The following ADAMTSL1 variants were observed in gnomAD, a reference collection of about 807,000 sequenced individuals.
The protein encoded by ADAMTSL1 is ADAMTS like 1.
A neutral mutation model predicts 201.8 loss-of-function variants in ADAMTSL1; 126 were observed. The ratio of observed to expected loss-of-function variants is 0.62; its 90% CI spans 0.54 to 0.72. The LOEUF is 0.72. ADAMTSL1 is among the 30% of genes least tolerant of loss of function. ADAMTSL1 has a pLI of 0.00. For synonymous variants in ADAMTSL1, 1,121 were observed against 903.4 expected (o/e 1.24, Z -4.32); for missense variants, 2,679 against 2,277.8 (o/e 1.18, Z -3.59).
intron 23 of ADAMTSL1, among the ~76,000 whole-genome samples, chr9:18,885,345 A>G (rs1325098010): frequency 6.6e-6 from 1 of 152,222 alleles, no homozygotes; most frequent in East Asian, 1.9e-4. Flanking sequence ...TACTGTTACA[A>G]TAGCAATTAA....
intron 5 of ADAMTSL1, among the ~76,000 whole-genome samples, chr9:18,633,049 CCAGTTTATGGAATGTGAGTCACTTCCCAG>C (rs1564104111): frequency 6.6e-6 from 1 of 152,132 alleles, no homozygotes; most frequent in Non-Finnish European, 1.5e-5. Flanking sequence ...TATTAATGTT[CCAGTTTATGGAATGTGAGTCACTTCCCAG>C]CAGAGCAAGA....
At chr9:17,918,115 T>C (rs923886651) in intron 1 of ADAMTSL1, among the ~76,000 whole-genome samples, 1 of 151,866 alleles carries the variant, frequency 6.6e-6, no homozygotes, top group African/African-American at 2.4e-5. Context: ...CAGCTTTTGG[T>C]TTAATGAATT....
At chr9:18,368,950 T>C (rs1836911523) in intron 2 of ADAMTSL1, among the ~76,000 whole-genome samples, 1 of 152,246 alleles carries the variant, frequency 6.6e-6, no homozygotes, top group Non-Finnish European at 1.5e-5. Context: ...CTTTATACTT[T>C]GCCTCCTGAT....
At chr9:18,193,459 C>A (rs1226481209) in intron 2 of ADAMTSL1, among the ~76,000 whole-genome samples, 3 of 152,038 alleles carry the variant, frequency 2.0e-5, no homozygotes, top group Admixed American at 1.3e-4. Context: ...AGCTCCTTTG[C>A]CTTGGAAGAA....
chr9:18,566,907 G>T (rs1422077776), intron 3 of ADAMTSL1, among the ~76,000 whole-genome samples: 1 of 152,168 alleles, frequency 6.6e-6, no homozygotes, highest in Non-Finnish European at 1.5e-5. Context: ...ATCAGATTCT[G>T]TGTTTTTTGT....
intron 2 of ADAMTSL1, among the ~76,000 whole-genome samples, chr9:18,270,088 T>A (rs1832297948): frequency 6.6e-6 from 1 of 152,124 alleles, no homozygotes; most frequent in Non-Finnish European, 1.5e-5. Context: ...GGGGAGCTTC[T>A]AAATAACAGA....
chr9:18,314,901 A>C (rs1484523124), intron 2 of ADAMTSL1, among the ~76,000 whole-genome samples: 2 of 137,970 alleles, frequency 1.4e-5, no homozygotes, highest in African/African-American at 5.5e-5. Flanking sequence ...GGTTCACGCC[A>C]TTCTCCTGCC....
At chr9:18,420,119 G>A (rs1818875501) in intron 2 of ADAMTSL1, among the ~76,000 whole-genome samples, 1 of 152,182 alleles carries the variant, frequency 6.6e-6, no homozygotes. Flanking sequence ...TCGCCAAATA[G>A]GAGGCTAAGC....
In ADAMTSL1 at chr9:18,680,334, G is replaced by A. The variant is rs758299352; in HGVS notation, c.1159G>A (p.Ala387Thr). 30 of 1,613,984 alleles carry A rather than the reference G, an allele frequency of 1.9e-5. No individual in the cohort carries two copies. Among genetic ancestry groups the A allele is most frequent in the Admixed American group, 8.3e-5 (5 of 59,996 alleles). The part of the protein sequence containing the change: ...LPRWEATPWT[A>T]CSSSCGGGIQ... ...TAGGTGGGAGGCCACCCCATGGACC[G>A]CGTGCTCCTCCTCGTGTGGGGGGGG... The change falls in exon 11 of 29, where the codon GCG becomes ACG. Residue 387 changes from alanine (A) to threonine (T), a missense_variant. By Grantham distance (58) the Ala-to-Thr change is moderately conservative. Coordinates refer to ENST00000380548, the MANE Select transcript of ADAMTSL1 (RefSeq NM_001040272.6).
At chr9:18,486,365 A>T (rs919291711) in intron 1 of ADAMTSL1, among the ~76,000 whole-genome samples, 4 of 152,218 alleles carry the variant, frequency 2.6e-5, no homozygotes, top group African/African-American at 9.6e-5. Context: ...TTAACCCTTT[A>T]TTCACTCTCA....
intron 13 of ADAMTSL1, among the ~76,000 whole-genome samples, chr9:18,699,554 T>A (rs958198851): frequency 3.9e-5 from 6 of 152,122 alleles, no homozygotes; most frequent in Non-Finnish European, 8.8e-5. Context: ...GGTCTCAAAC[T>A]CTTGGCCTCA....
chr9:18,299,449 A>G (rs1833611296), intron 2 of ADAMTSL1, among the ~76,000 whole-genome samples: 1 of 152,260 alleles, frequency 6.6e-6, no homozygotes, highest in African/African-American at 2.4e-5. Flanking sequence ...GATACTGACC[A>G]GATAAAGGCA....
chr9:18,195,596 A>G (rs978331412), intron 2 of ADAMTSL1, among the ~76,000 whole-genome samples: 2 of 152,274 alleles, frequency 1.3e-5, no homozygotes, highest in East Asian at 1.9e-4. Flanking sequence ...ATACATTTGC[A>G]AGGAGACATT....
chr9:18,048,736 C>A (rs1821785460), intron 1 of ADAMTSL1, among the ~76,000 whole-genome samples: 1 of 152,152 alleles, frequency 6.6e-6, no homozygotes, highest in South Asian at 2.1e-4. Flanking sequence ...TTTCCTTCGT[C>A]CTTACCAGCT....
At chr9:18,158,335 C>T (rs2132072564) in intron 1 of ADAMTSL1, among the ~76,000 whole-genome samples, 1 of 152,026 alleles carries the variant, frequency 6.6e-6, no homozygotes, top group East Asian at 1.9e-4. Flanking sequence ...GATGTATATG[C>T]TCATGATTTT....
At chr9:18,072,573 A>G (rs2131738071) in intron 1 of ADAMTSL1, among the ~76,000 whole-genome samples, 1 of 152,282 alleles carries the variant, frequency 6.6e-6, no homozygotes, top group South Asian at 2.1e-4. Context: ...TAAAGTAGAG[A>G]ATGTTATTTT....
intron 2 of ADAMTSL1, among the ~76,000 whole-genome samples, chr9:18,419,746 T>C (rs1282412882): frequency 6.6e-6 from 1 of 150,964 alleles, no homozygotes; most frequent in Non-Finnish European, 1.5e-5. Flanking sequence ...TTTTTTTTTT[T>C]TTTTGAGATG....
chr9:18,029,873 T>G (rs865973471), intron 1 of ADAMTSL1, among the ~76,000 whole-genome samples: 3 of 151,552 alleles, frequency 2.0e-5, no homozygotes, highest in Middle Eastern at 3.2e-3. Context: ...GTTAGAATGG[T>G]GATCATTAAA....
At chr9:18,367,514 T>C (rs931808629) in intron 2 of ADAMTSL1, among the ~76,000 whole-genome samples, 1 of 152,058 alleles carries the variant, frequency 6.6e-6, no homozygotes, top group Admixed American at 6.6e-5. Context: ...TCTAAGTCTG[T>C]TTTTGAATCT....
Sources: gnomAD v4.1 joint callset for allele counts (sites outside exome capture counted in the v4.1 genomes callset) on GRCh38, gnomAD v4.1.1 for gene constraint, MANE v1.5 for transcripts, NCBI Gene and HGNC (gene_info 2026-07-23, HGNC 2026-07-21) for gene names.